Variants in OTOF observed in about 807,000 individuals in gnomAD.
OTOF encodes the protein fer-1-like family member 2.
A neutral mutation model predicts 236.8 loss-of-function variants in OTOF; 218 were observed. The ratio of observed to expected loss-of-function variants is 0.92; its 90% CI spans 0.82 to 1.03. The LOEUF (loss-of-function observed/expected upper bound fraction) is 1.03, where lower values mean the gene tolerates loss of function less well. OTOF is among the 50% of genes least tolerant of loss of function. OTOF has a pLI of 0.00. For synonymous variants in OTOF, 1,041 were observed against 1,072.5 expected, an observed-to-expected ratio of 0.97 and a Z score of 0.57; for missense variants, 2,590 against 2,694.4, an observed-to-expected ratio of 0.96 and a Z score of 0.86.
At chr2:26,519,591 G>A (rs1281976343) in intron 3 of OTOF, among the ~76,000 whole-genome samples, 4 of 152,198 alleles carry the variant, frequency 2.6e-5, no homozygotes, top group African/African-American at 9.7e-5. Flanking sequence ...TGGATGGCAG[G>A]AACCTGTGTG....
intron 9 of OTOF, among the ~76,000 whole-genome samples, chr2:26,490,437 G>A (rs1665812138): frequency 1.3e-5 from 2 of 152,234 alleles, no homozygotes; most frequent in Non-Finnish European, 2.9e-5. Flanking sequence ...TGGTGCTGTG[G>A]GCTGCCATGC....
Position 26,461,800 on chromosome 2 carries a change from T to C in OTOF, c.5429A>G (p.Lys1810Arg), listed in dbSNP as rs1267958474. 6.2e-7 allele frequency: 1 copy of C among 1,614,166 alleles called. No homozygotes were observed. Among genetic ancestry groups the C allele is most frequent in the Non-Finnish European group, 8.5e-7 (1 of 1,180,028 alleles). ...LAAEEKIVISKKESMFSWDET... is the reference protein window; with the variant it reads ...LAAEEKIVISRKESMFSWDET... ...GTCCCAGGAGAACATGGACTCCTTC[T>C]TGGAGATGACGATCTTCTCCTCCGC... The change falls in exon 43 of 47, where the codon AAG (lysine) becomes AGG (arginine). Residue 1810 changes from lysine to arginine, a missense_variant. Transcript: ENST00000272371. The surrounding 1 kb of genome is among the most constrained non-coding windows in gnomAD (Gnocchi z 6.2).
intron 8 of OTOF, among the ~76,000 whole-genome samples, chr2:26,496,251 T>TTTTTC: frequency 6.6e-6 from 1 of 151,278 alleles, no homozygotes; most frequent in African/African-American, 2.4e-5. Flanking sequence ...TTTTTTTTTT[T>TTTTTC]CACACTGAGT....
rs1665242283 is a variant in OTOF, at chr2:26,476,004, G to A, written c.2901C>T (p.Tyr967=). ...KQAFQLRAHM[Y]QARSLFAADS... is the part of the protein sequence containing the mutation. ...CGGCGGCAAAGAGGCTGCGGGCCTG[G>A]TACATGTGCGCTCGGAGCTGGAACG... The change falls in exon 24 of 47, where the codon TAC becomes TAT. Residue 967 remains tyrosine (Y), a synonymous_variant. Coordinates refer to ENST00000272371, the MANE Select transcript of OTOF (RefSeq NM_194248.3). The A allele has an allele frequency of 1.2e-6, 2 of 1,612,570 alleles. No homozygotes were observed. Among genetic ancestry groups the A allele is most frequent in the African/African-American group, 2.7e-5 (2 of 74,912 alleles).
At chr2:26,504,525 TC>T (rs1268187401) in intron 5 of OTOF, among the ~76,000 whole-genome samples, 1 of 152,120 alleles carries the variant, frequency 6.6e-6, no homozygotes, top group Non-Finnish European at 1.5e-5. Flanking sequence ...CTTCTACCTG[TC>T]CCCTCTCACT....
intron 1 of OTOF, among the ~76,000 whole-genome samples, chr2:26,543,531 A>G (rs1030631873): frequency 1.8e-4 from 28 of 152,216 alleles, no homozygotes; most frequent in African/African-American, 6.5e-4. Flanking sequence ...TTCAAATCCC[A>G]GCTGCCTCTT....
At chr2:26,479,992 C>T (rs1665486805) in intron 16 of OTOF, among the ~76,000 whole-genome samples, 1 of 152,256 alleles carries the variant, frequency 6.6e-6, no homozygotes, top group Non-Finnish European at 1.5e-5. Context: ...GAGGGTTGGC[C>T]CCTTTATGGG....
At chr2:26,487,053 T>C (rs999593666) in intron 11 of OTOF, among the ~76,000 whole-genome samples, 4 of 152,158 alleles carry the variant, frequency 2.6e-5, no homozygotes, top group African/African-American at 9.6e-5. Flanking sequence ...CAACAGAGAG[T>C]AGCAAACAGT....
intron 11 of OTOF, among the ~76,000 whole-genome samples, chr2:26,487,442 C>T (rs989121924): frequency 2.0e-5 from 3 of 151,248 alleles, no homozygotes; most frequent in African/African-American, 7.3e-5. Flanking sequence ...CTGTTTCTGC[C>T]GCTTACTCAC....
At position 26,483,601 on chromosome 2, in the gene OTOF, C is replaced by T. The variant is rs751460409; in HGVS notation, c.1253G>A (p.Arg418Gln). Residue 418 changes from arginine (R) to glutamine (Q), a missense_variant, in exon 13 of 47, where the codon CGG becomes CAG. By Grantham distance (43) the Arg-to-Gln change is conservative (BLOSUM62 1). This residue lies in a region of OTOF where 1,379 missense variants were observed against 1,341.6 expected (regional missense o/e 1.03). Transcript: ENST00000272371. ...EGVPPERQWA[R>Q]FYVKIYRAEG... Reference sequence around the variant, plus strand: ...TGCTCGGTAAATTTTCACATAGAACCGGGCCCACTGGCGTTCGGGGGGCAC... The same window carrying T: ...TGCTCGGTAAATTTTCACATAGAACTGGGCCCACTGGCGTTCGGGGGGCAC... 2.3e-5 allele frequency: 37 copies of T among 1,613,372 alleles called. No homozygotes were observed. Among genetic ancestry groups the T allele is most frequent in the Middle Eastern group, 1.7e-4 (1 of 5,802 alleles).
rs144422709 is a variant in OTOF at position 26,463,984 on chromosome 2, C to A, written c.5083G>T (p.Asp1695Tyr). ...HVETRPLLNP[D>Y]KPGIEQGRLE... ...GTCACCTGCTCGATGCCCGGCTTGT[C>A]GGGGTTGAGCAGCGGCCTCGTCTCC... Residue 1695 changes from aspartate (D) to tyrosine (Y), a missense_variant, in exon 40 of 47, where the codon GAC (aspartate) becomes TAC (tyrosine). Asp to Tyr is a radical substitution (Grantham distance 160, BLOSUM62 -3). Around this residue, in one of 2 missense-constraint regions of OTOF, gnomAD observed 1,211 missense variants for 1,352.8 expected, o/e 0.90. Coordinates refer to ENST00000272371, the MANE Select transcript of OTOF (RefSeq NM_194248.3). 6.2e-7 allele frequency: 1 copy of A among 1,613,802 alleles called. No homozygotes were observed. Among genetic ancestry groups the A allele is most frequent in the African/African-American group, 1.3e-5 (1 of 75,050 alleles).
chr2:26,462,250 A>G lies in OTOF; in HGVS notation c.5193-69T>C, dbSNP rs549475420. The G allele has an allele frequency of 4.3e-5, 59 of 1,360,858 alleles. No homozygotes were observed. The South Asian group carries it at 6.6e-4, about 15-fold the overall frequency. 84.3% of individuals were successfully genotyped at this position (1,360,858 alleles called of 1,614,324 possible). ...GTTATGCCAGGGTGCCAGGGCTGGGATGGGGCAGGCGGAGAGAAGCCCTGG... is the reference window on the plus strand; with the variant it reads ...GTTATGCCAGGGTGCCAGGGCTGGGGTGGGGCAGGCGGAGAGAAGCCCTGG... On this transcript the variant is annotated intron_variant, in intron 41 of 46. Coordinates refer to ENST00000272371, the MANE Select transcript of OTOF (RefSeq NM_194248.3). The surrounding 1 kb of genome is among the most constrained non-coding windows in gnomAD (Gnocchi z 4.7).
Position 26,477,050 on chromosome 2 carries a change from G to A in OTOF, c.2524-7C>T, listed in dbSNP as rs1433581520. On this transcript the variant is annotated splice_polypyrimidine_tract_variant and splice_region_variant and intron_variant, in intron 21 of 46. Transcript: ENST00000272371. The surrounding 1 kb of genome is among the most constrained non-coding windows in gnomAD (Gnocchi z 4.7). ...CGGGAATGCTGTGCTGGGGCTGGGG[G>A]TTGGGGGGTGGCCAGGGGCAGTGGG... The A allele has an allele frequency of 3.3e-6, 5 of 1,526,656 alleles. No homozygotes were observed. In the African/African-American group the frequency reaches 5.5e-5, roughly 17 times the overall value. 94.6% of individuals were successfully genotyped at this position (1,526,656 alleles called of 1,614,324 possible).
At chr2:26,516,277 C>T (rs1190151626) in intron 5 of OTOF, 141 bp downstream of exon 5, 4 of 787,134 alleles carry the variant, frequency 5.1e-6, no homozygotes, top group South Asian at 5.1e-5. Context: ...CATCTTCCCA[C>T]CCCTTGGATG....
intron 30 of OTOF, among the ~76,000 whole-genome samples, chr2:26,471,965 T>C (rs751561878): frequency 4.6e-5 from 7 of 151,682 alleles, no homozygotes; most frequent in Admixed American, 2.6e-4. Flanking sequence ...CACATGCACA[T>C]ATGCATTTAC....
chr2:26,462,649 G>C lies in OTOF; in HGVS notation c.5193-468C>G, dbSNP rs553183169. Among the ~76,000 whole-genome samples the C allele has an allele frequency of 2.0e-5, 3 of 152,370 alleles. No individual in the cohort carries two copies. In the East Asian group the frequency reaches 5.8e-4, roughly 29 times the overall value. The stretch of plus-strand genomic sequence containing the variant: ...GATTGCAGACAGGGCTGCGAGCCCA[G>C]AGTGGCCCAGTGAGTTGGGTGCCCC... On this transcript the variant is annotated intron_variant, in intron 41 of 46. Transcript: ENST00000272371. This position sits in a 1 kb window ranked among gnomAD's most constrained non-coding sequence, Gnocchi z 4.7.
At position 26,537,808 on chromosome 2, in the gene OTOF, G is replaced by C. The variant is rs770421577; in HGVS notation, c.80-34C>G. 1.1e-5 allele frequency: 16 copies of C among 1,486,346 alleles called. No homozygotes were observed. The South Asian group carries it at 1.5e-4, about 13-fold the overall frequency. The allele number at this position is 1,486,346 out of a possible 1,614,324, so 92.1% of individuals were successfully genotyped here. A position where few individuals can be genotyped will look rare whatever the true frequency, so the allele number is the denominator to read the frequency against. On this transcript the variant is annotated intron_variant, in intron 1 of 46. Transcript: ENST00000272371. ...AAAGAGGAAATAAATTCTAGGGTCA[G>C]AGCTGTCCAGACGATGAGCATGGGG...
At chr2:26,525,983 A>G (rs1360934822) in intron 3 of OTOF, among the ~76,000 whole-genome samples, 1 of 149,510 alleles carries the variant, frequency 6.7e-6, no homozygotes, top group African/African-American at 2.5e-5. Context: ...GCTACTCAGG[A>G]GGCTGATACA....
chr2:26,557,067 C>A (rs1407953634), intron 1 of OTOF, among the ~76,000 whole-genome samples: 1 of 152,198 alleles, frequency 6.6e-6, no homozygotes, highest in Admixed American at 6.5e-5. Context: ...CCTCCGCCTG[C>A]CGGCAGGGCC....
Sources: allele counts gnomAD v4.1 joint callset (sites outside exome capture counted in the v4.1 genomes callset), GRCh38; gene constraint gnomAD v4.1.1; regional missense constraint gnomAD v4.1.1; non-coding constraint Gnocchi (gnomAD v3.1); transcripts MANE v1.5; gene names NCBI Gene and HGNC (gene_info 2026-07-23, HGNC 2026-07-21).